The following SLC9C1 variants were observed in gnomAD, a reference collection of about 807,000 sequenced individuals.
The protein encoded by SLC9C1 is solute carrier family 9 member C1.
A neutral mutation model predicts 140.9 loss-of-function variants in SLC9C1; 97 were observed. The ratio of observed to expected loss-of-function variants is 0.69; its 90% CI spans 0.58 to 0.82. The LOEUF (loss-of-function observed/expected upper bound fraction) is 0.82. Ranked by LOEUF, SLC9C1 falls within the 40% of genes least tolerant of loss-of-function variation. The pLI, the probability that SLC9C1 is intolerant of heterozygous loss-of-function variation, is 0.00. For missense variants in SLC9C1, 1,340 were observed against 1,389.3 expected, an observed-to-expected ratio of 0.96 and a Z score of 0.56; for synonymous variants, 440 against 442.6, an observed-to-expected ratio of 0.99 and a Z score of 0.07.
intron 5 of SLC9C1, among the ~76,000 whole-genome samples, chr3:112,276,947 A>G (rs1348736507): frequency 6.6e-6 from 1 of 152,152 alleles, no homozygotes; most frequent in Non-Finnish European, 1.5e-5. Context: ...TGCCTCAGAT[A>G]GCTATTTCCC....
At chr3:112,150,804 A>G (rs1239820140) in intron 28 of SLC9C1, among the ~76,000 whole-genome samples, 1 of 48,562 alleles carries the variant, frequency 2.1e-5, no homozygotes, top group Non-Finnish European at 3.9e-5. Context: ...ATATATATAT[A>G]TATATAAATA....
chr3:112,192,301 A>T (rs1189853599), intron 20 of SLC9C1, among the ~76,000 whole-genome samples: 1 of 152,014 alleles, frequency 6.6e-6, no homozygotes, highest in Non-Finnish European at 1.5e-5. Context: ...CAATTCCATC[A>T]TTTCTCTATC....
chr3:112,182,381 A>G, intron 20 of SLC9C1, 123 bp from the exon 21 acceptor site: 1 of 1,003,692 alleles, frequency 1.0e-6, no homozygotes. Context: ...TTCCATGAAC[A>G]TTTTCAACCT....
At chr3:112,248,246 A>G (rs1002753370) in intron 10 of SLC9C1, among the ~76,000 whole-genome samples, 1 of 151,902 alleles carries the variant, frequency 6.6e-6, no homozygotes. Context: ...GCTTAGAAGC[A>G]GATTCTCTAG....
chr3:112,239,767 A>G (rs2079090552), intron 12 of SLC9C1, 73 bp downstream of exon 12: 1 of 1,315,068 alleles, frequency 7.6e-7, no homozygotes, highest in Non-Finnish European at 1.0e-6. Flanking sequence ...GTGAATTAAT[A>G]TTTATGATCT....
At chr3:112,197,515 C>A (rs2077797233) in intron 20 of SLC9C1, among the ~76,000 whole-genome samples, 4 of 152,114 alleles carry the variant, frequency 2.6e-5, no homozygotes, top group Admixed American at 2.6e-4. Context: ...TGCCATGGTG[C>A]TGAGGGGTGA....
chr3:112,250,030 A>G lies in SLC9C1; in HGVS notation c.1198-5954T>C, dbSNP rs530022770. The stretch of plus-strand genomic sequence containing the variant: ...TGCACCCATTAACTCGTCATTTAGC[A>G]TTAGGTATATCTCCTAATGCTATCC... On this transcript the variant is annotated intron_variant, in intron 10 of 28. Coordinates refer to ENST00000305815, the MANE Select transcript of SLC9C1 (RefSeq NM_183061.3). 2.6e-5 allele frequency among the ~76,000 whole-genome samples: 4 copies of G among 151,878 alleles called. No individual in the cohort carries two copies. The South Asian group carries it at 8.3e-4, about 32-fold the overall frequency.
intron 1 of SLC9C1, among the ~76,000 whole-genome samples, chr3:112,290,981 C>T (rs898997085): frequency 3.3e-5 from 5 of 152,058 alleles, no homozygotes; most frequent in African/African-American, 4.8e-5. Context: ...ACCATAGGGT[C>T]TGGGTTCTTT....
intron 6 of SLC9C1, among the ~76,000 whole-genome samples, chr3:112,272,216 T>C (rs142086566): frequency 6.6e-6 from 1 of 152,332 alleles, no homozygotes; most frequent in East Asian, 1.9e-4. Flanking sequence ...TACAGGAATC[T>C]GGAGTTCGAA....
intron 21 of SLC9C1, 73 bp downstream of exon 21, chr3:112,182,060 T>C (rs1459055930): frequency 2.7e-6 from 3 of 1,099,286 alleles, no homozygotes; most frequent in Non-Finnish European, 3.6e-6. Flanking sequence ...GAGAGTATCA[T>C]GGTTAAATTC....
At chr3:112,291,320 A>G (rs9865488) in intron 1 of SLC9C1, among the ~76,000 whole-genome samples, 152,283 of 152,328 alleles carry the variant, frequency 1, 76,119 homozygotes, top group Non-Finnish European at 1. Context: ...ACTATCAACA[A>G]AGTAAACAGA....
At chr3:112,284,120 G>T (rs770210629) in intron 2 of SLC9C1, among the ~76,000 whole-genome samples, 3 of 152,242 alleles carry the variant, frequency 2.0e-5, no homozygotes, top group African/African-American at 4.8e-5. Context: ...AGATTTGAAA[G>T]TGGTGACAGC....
chr3:112,158,496 C>G (rs1490100315), intron 26 of SLC9C1, among the ~76,000 whole-genome samples: 1 of 151,742 alleles, frequency 6.6e-6, no homozygotes, highest in Non-Finnish European at 1.5e-5. Flanking sequence ...TTCCTGTGTC[C>G]TTGTCTGCTT....
At chr3:112,253,196 A>G (rs4280609) in intron 10 of SLC9C1, among the ~76,000 whole-genome samples, 89,976 of 151,970 alleles carry the variant, frequency 0.59, 27,155 homozygotes, top group East Asian at 0.79. Context: ...CTGGGGTAGA[A>G]CCCCCAGCAG....
chr3:112,218,852 A>G (rs149253109), intron 14 of SLC9C1, among the ~76,000 whole-genome samples: 2 of 152,308 alleles, frequency 1.3e-5, no homozygotes, highest in Non-Finnish European at 2.9e-5. Context: ...TTGAACTCCT[A>G]TTTTACATCA....
intron 8 of SLC9C1, among the ~76,000 whole-genome samples, chr3:112,264,593 TA>T (rs1398255845): frequency 6.6e-6 from 1 of 151,910 alleles, no homozygotes; most frequent in Non-Finnish European, 1.5e-5. Context: ...ATAGAATCAA[TA>T]AATTTTAGTC....
chr3:112,221,977 G>A (rs991351811), intron 13 of SLC9C1, among the ~76,000 whole-genome samples: 1 of 152,128 alleles, frequency 6.6e-6, no homozygotes, highest in African/African-American at 2.4e-5. Context: ...TGCATGATCA[G>A]TTTTGAATAT....
intron 23 of SLC9C1, among the ~76,000 whole-genome samples, chr3:112,176,341 A>ATG (rs1283313061): frequency 9.2e-5 from 14 of 152,024 alleles, no homozygotes; most frequent in Non-Finnish European, 1.9e-4. Context: ...ATTAGTCCCA[A>ATG]TGTGTGTACC....
At chr3:112,279,784 G>T (rs906750045) in intron 3 of SLC9C1, among the ~76,000 whole-genome samples, 1 of 152,186 alleles carries the variant, frequency 6.6e-6, no homozygotes, top group African/African-American at 2.4e-5. Flanking sequence ...CAGGAAACAG[G>T]CACAAGAAAA....
Sources: gnomAD v4.1 joint callset for allele counts (sites outside exome capture counted in the v4.1 genomes callset) on GRCh38, gnomAD v4.1.1 for gene constraint, MANE v1.5 for transcripts, NCBI Gene and HGNC (gene_info 2026-07-23, HGNC 2026-07-21) for gene names.